The following POU6F2 variants were observed in gnomAD, a reference collection of about 807,000 sequenced individuals.
POU6F2 encodes the protein POU domain, class 6, transcription factor 2.
A neutral mutation model predicts 71.3 loss-of-function variants in POU6F2; 31 were observed. The observed-to-expected ratio is 0.43, with a 90% CI of 0.33 to 0.59. The LOEUF (loss-of-function observed/expected upper bound fraction) is 0.59, where lower values mean the gene tolerates loss of function less well. Among genes scored for constraint, POU6F2 ranks in the 20% least tolerant of loss-of-function variants. The pLI, the probability that POU6F2 is intolerant of heterozygous loss-of-function variation, is 0.04. For synonymous variants in POU6F2, 347 were observed against 355.7 expected, an observed-to-expected ratio of 0.98 and a Z score of 0.27; for missense variants, 783 against 856.8, an observed-to-expected ratio of 0.91 and a Z score of 1.07.
intron 2 of POU6F2, among the ~76,000 whole-genome samples, chr7:39,168,122 TATAAG>T (rs1156482609): frequency 1.3e-5 from 2 of 152,230 alleles, no homozygotes; most frequent in Non-Finnish European, 2.9e-5. Flanking sequence ...TATTAGATCT[TATAAG>T]AGATTTTTTT....
chr7:39,244,161 AAC>A (rs1783777129), intron 4 of POU6F2, among the ~76,000 whole-genome samples: 1 of 152,204 alleles, frequency 6.6e-6, no homozygotes, highest in Non-Finnish European at 1.5e-5. Flanking sequence ...ATATAAAAAA[AAC>A]ATTTTTGTCA....
At chr7:39,264,173 G>A (rs576662681) in intron 4 of POU6F2, among the ~76,000 whole-genome samples, 1 of 152,296 alleles carries the variant, frequency 6.6e-6, no homozygotes, top group Admixed American at 6.5e-5. Context: ...TACCTGGGCT[G>A]TGTGGGCAAT....
At chr7:39,449,136 T>A (rs2299123) in intron 7 of POU6F2, among the ~76,000 whole-genome samples, 1 of 151,966 alleles carries the variant, frequency 6.6e-6, no homozygotes, top group Non-Finnish European at 1.5e-5. Context: ...AAATGCAACC[T>A]CAGGCAATTC....
At chr7:39,231,489 A>T (rs546248687) in intron 4 of POU6F2, among the ~76,000 whole-genome samples, 41 of 152,138 alleles carry the variant, frequency 2.7e-4, no homozygotes, top group African/African-American at 5.5e-4. Context: ...ATATATGATT[A>T]AAAAATTGCT....
chr7:39,234,807 GTTCCATTTTTGTTA>G (rs1450832008), intron 4 of POU6F2, among the ~76,000 whole-genome samples: 1 of 152,138 alleles, frequency 6.6e-6, no homozygotes, highest in Admixed American at 6.5e-5. Flanking sequence ...TAGTACCATT[GTTCCATTTTTGTTA>G]CATTCTGCTA....
chr7:39,132,089 C>T (rs1792297696), intron 2 of POU6F2, among the ~76,000 whole-genome samples: 1 of 152,146 alleles, frequency 6.6e-6, no homozygotes, highest in Admixed American at 6.5e-5. Flanking sequence ...CTATCAAATA[C>T]TAGGCCATAT....
chr7:39,221,205 A>G (rs1163833022), intron 4 of POU6F2, among the ~76,000 whole-genome samples: 1 of 152,048 alleles, frequency 6.6e-6, no homozygotes, highest in East Asian at 1.9e-4. Flanking sequence ...CATTAAAAAT[A>G]AAAATAACAG....
intron 2 of POU6F2, among the ~76,000 whole-genome samples, chr7:39,103,347 G>A (rs1791614574): frequency 6.6e-6 from 1 of 152,156 alleles, no homozygotes; most frequent in Admixed American, 6.5e-5. Context: ...ATGTGACTTT[G>A]GCAAATGACT....
chr7:39,195,789 A>T (rs951296596), intron 2 of POU6F2, among the ~76,000 whole-genome samples: 1 of 152,106 alleles, frequency 6.6e-6, no homozygotes, highest in African/African-American at 2.4e-5. Flanking sequence ...GAAGGGTGGG[A>T]TCTTGCAAAA....
intron 1 of POU6F2, among the ~76,000 whole-genome samples, chr7:39,020,178 A>C (rs1789652250): frequency 1.3e-5 from 2 of 152,138 alleles, no homozygotes; most frequent in African/African-American, 4.8e-5. Flanking sequence ...CTTTGTAGTG[A>C]GAAAGTGTTG....
intron 4 of POU6F2, among the ~76,000 whole-genome samples, chr7:39,243,533 G>A (rs888299613): frequency 6.6e-6 from 1 of 152,190 alleles, no homozygotes; most frequent in Middle Eastern, 3.4e-3. Context: ...CTAGAAGGAT[G>A]AGAGCAAACA....
intron 2 of POU6F2, among the ~76,000 whole-genome samples, chr7:39,170,029 G>A (rs899469550): frequency 1.3e-5 from 2 of 152,084 alleles, no homozygotes; most frequent in South Asian, 2.1e-4. Flanking sequence ...CTAGCCGGGC[G>A]TTGTGGCAGG....
At chr7:39,199,144 C>G (rs1225688827) in intron 2 of POU6F2, among the ~76,000 whole-genome samples, 15 of 152,176 alleles carry the variant, frequency 9.9e-5, no homozygotes, top group Admixed American at 9.8e-4. Flanking sequence ...TGGTCATTAA[C>G]CAGGGAATCT....
Position 39,357,643 on chromosome 7 carries a change from C to T in POU6F2, c.972+17628C>T, listed in dbSNP as rs565475461. 1.6e-4 allele frequency among the ~76,000 whole-genome samples: 24 copies of T among 152,318 alleles called. No individual in the cohort carries two copies. The East Asian group carries it at 4.2e-3, about 27-fold the overall frequency. On this transcript the variant is annotated intron_variant, in intron 5 of 9. Transcript: ENST00000518318. ...CACCATGCCACCTCCAACATTTTTC[C>T]AAACTGCCACCTGATTTCACTTGGC...
chr7:39,275,699 C>G (rs185906530), intron 4 of POU6F2, among the ~76,000 whole-genome samples: 112 of 152,276 alleles, frequency 7.4e-4, no homozygotes, highest in African/African-American at 2.6e-3. Flanking sequence ...GGTACCAAAA[C>G]AGACATATAG....
chr7:39,256,860 G>A (rs1447743648), intron 4 of POU6F2, among the ~76,000 whole-genome samples: 1 of 152,064 alleles, frequency 6.6e-6, no homozygotes, highest in East Asian at 1.9e-4. Context: ...GAGCCTCCAG[G>A]AAGAAACATA....
chr7:39,426,343 C>G (rs1402071763), intron 6 of POU6F2, among the ~76,000 whole-genome samples: 1 of 152,136 alleles, frequency 6.6e-6, no homozygotes, highest in Non-Finnish European at 1.5e-5. Context: ...CTGCCCCTTT[C>G]CTGCTCAGAG....
At chr7:39,374,576 A>G (rs1786674129) in intron 5 of POU6F2, among the ~76,000 whole-genome samples, 1 of 152,218 alleles carries the variant, frequency 6.6e-6, no homozygotes, top group South Asian at 2.1e-4. Context: ...TTTAGGGAGA[A>G]GTCAGCATAG....
At chr7:39,142,655 T>C (rs1792527767) in intron 2 of POU6F2, among the ~76,000 whole-genome samples, 1 of 152,226 alleles carries the variant, frequency 6.6e-6, no homozygotes. Flanking sequence ...TAAATTCTCT[T>C]GGCTTTCAGA....
Sources: allele counts gnomAD v4.1 joint callset (sites outside exome capture counted in the v4.1 genomes callset), GRCh38; gene constraint gnomAD v4.1.1; transcripts MANE v1.5; gene names NCBI Gene and HGNC (gene_info 2026-07-23, HGNC 2026-07-21).